Variants in FGF12 observed in about 807,000 individuals in gnomAD.
FGF12 encodes fibroblast growth factor 12.
A neutral mutation model predicts 23.6 loss-of-function variants in FGF12; 14 were observed. The ratio of observed to expected loss-of-function variants is 0.59; its 90% CI spans 0.39 to 0.93. The LOEUF (loss-of-function observed/expected upper bound fraction) is 0.93, where lower values mean the gene tolerates loss of function less well. Among genes scored for constraint, FGF12 ranks in the 40% least tolerant of loss-of-function variants. The pLI is 0.00. For missense variants in FGF12, 175 were observed against 217.8 expected, an observed-to-expected ratio of 0.80 and a Z score of 1.24; for synonymous variants, 62 against 77.3, an observed-to-expected ratio of 0.80 and a Z score of 1.04.
intron 4 of FGF12, among the ~76,000 whole-genome samples, chr3:192,328,101 G>C (rs1716910093): frequency 6.6e-6 from 1 of 152,286 alleles, no homozygotes; most frequent in Non-Finnish European, 1.5e-5. Flanking sequence ...AGTCAGATGA[G>C]TGAGGGCGTG....
At chr3:192,567,735 C>CTCTT (rs58243923) in intron 2 of FGF12, among the ~76,000 whole-genome samples, 17,532 of 125,788 alleles carry the variant, frequency 0.14, 1,599 homozygotes, top group East Asian at 0.16. Context: ...CTCCATGTGT[C>CTCTT]TCTTTCTTTC....
At chr3:192,530,487 C>T (rs1336132184) in intron 2 of FGF12, among the ~76,000 whole-genome samples, 2 of 152,096 alleles carry the variant, frequency 1.3e-5, no homozygotes, top group Admixed American at 1.3e-4. Context: ...TCCTTTCATC[C>T]TTGAAGATTT....
chr3:192,147,186 G>A (rs1438567723), intron 5 of FGF12, among the ~76,000 whole-genome samples: 1 of 152,136 alleles, frequency 6.6e-6, no homozygotes, highest in Non-Finnish European at 1.5e-5. Context: ...CAAAACCTTG[G>A]TCAAAGCAAT....
intron 4 of FGF12, among the ~76,000 whole-genome samples, chr3:192,192,686 T>G (rs1716856305): frequency 6.6e-6 from 1 of 151,874 alleles, no homozygotes; most frequent in African/African-American, 2.4e-5. Context: ...GAACATTTGA[T>G]TTTTACAAAG....
At chr3:192,488,982 C>G (rs867050756) in intron 2 of FGF12, among the ~76,000 whole-genome samples, 65 of 151,910 alleles carry the variant, frequency 4.3e-4, no homozygotes, top group African/African-American at 1.6e-3. Flanking sequence ...GATCTGTTAG[C>G]CTTATGATAG....
At chr3:192,673,442 A>T (rs1717206355) in intron 2 of FGF12, among the ~76,000 whole-genome samples, 1 of 151,212 alleles carries the variant, frequency 6.6e-6, no homozygotes, top group African/African-American at 2.4e-5. Flanking sequence ...TTGGTTACAT[A>T]GGTAAACGTA....
At chr3:192,508,292 G>A (rs1190529895) in intron 2 of FGF12, among the ~76,000 whole-genome samples, 2 of 152,152 alleles carry the variant, frequency 1.3e-5, no homozygotes, top group African/African-American at 2.4e-5. Flanking sequence ...CCTATGAAAT[G>A]CAAATGCCCC....
intron 2 of FGF12, among the ~76,000 whole-genome samples, chr3:192,574,474 C>A (rs912021849): frequency 1.6e-4 from 24 of 152,136 alleles, no homozygotes; most frequent in Non-Finnish European, 2.4e-4. Context: ...AGAAAATAAA[C>A]CTCTGAATCT....
At chr3:192,447,377 G>A (rs1024825998) in intron 2 of FGF12, among the ~76,000 whole-genome samples, 3 of 151,954 alleles carry the variant, frequency 2.0e-5, no homozygotes, top group South Asian at 2.1e-4. Flanking sequence ...AGATGAAGAC[G>A]CTCTCCAAAT....
chr3:192,400,065 A>G (rs1720693420), intron 2 of FGF12, among the ~76,000 whole-genome samples: 1 of 152,186 alleles, frequency 6.6e-6, no homozygotes, highest in East Asian at 1.9e-4. Flanking sequence ...ATTTCCATCC[A>G]TGGTTGGTGA....
intron 4 of FGF12, among the ~76,000 whole-genome samples, chr3:192,204,307 AT>A (rs1717530128): frequency 6.6e-6 from 1 of 152,214 alleles, no homozygotes. Flanking sequence ...AATGATGGAA[AT>A]GGTATACCTC....
intron 2 of FGF12, among the ~76,000 whole-genome samples, chr3:192,647,944 C>T (rs1179798889): frequency 6.6e-6 from 1 of 151,638 alleles, no homozygotes; most frequent in Non-Finnish European, 1.5e-5. Flanking sequence ...TTGATAGGTC[C>T]CCACTTACAT....
intron 2 of FGF12, among the ~76,000 whole-genome samples, chr3:192,618,945 A>G (rs1480664300): frequency 6.6e-6 from 1 of 151,980 alleles, no homozygotes; most frequent in African/African-American, 2.4e-5. Context: ...AGCCAATTAA[A>G]AAATCATATA....
At chr3:192,298,927 G>A (rs541959025) in intron 4 of FGF12, among the ~76,000 whole-genome samples, 7 of 152,210 alleles carry the variant, frequency 4.6e-5, no homozygotes, top group East Asian at 1.9e-4. Flanking sequence ...AACATGTCAG[G>A]TTCTTTTTAA....
intron 4 of FGF12, among the ~76,000 whole-genome samples, chr3:192,330,148 A>AC (rs1717031649): frequency 1.3e-5 from 2 of 152,150 alleles, no homozygotes; most frequent in African/African-American, 4.8e-5. Flanking sequence ...TGTCCATACT[A>AC]CCGGAGACAA....
chr3:192,631,343 G>A (rs772960486), intron 2 of FGF12, among the ~76,000 whole-genome samples: 3 of 152,158 alleles, frequency 2.0e-5, no homozygotes, highest in Admixed American at 6.5e-5. Context: ...CATCCATCAC[G>A]ACATCTAGCC....
intron 2 of FGF12, among the ~76,000 whole-genome samples, chr3:192,623,686 T>C (rs1402020583): frequency 2.6e-5 from 4 of 152,168 alleles, no homozygotes; most frequent in Admixed American, 1.3e-4. Flanking sequence ...GTAAAGAACA[T>C]AAACGAGTCA....
chr3:192,168,241 AT>A (rs1285840744), intron 5 of FGF12, among the ~76,000 whole-genome samples: 1 of 152,222 alleles, frequency 6.6e-6, no homozygotes, highest in Non-Finnish European at 1.5e-5. Context: ...AAATGAACAA[AT>A]AAAAATGATG....
At chr3:192,687,796 A>T (rs1021289262) in intron 2 of FGF12, among the ~76,000 whole-genome samples, 11 of 152,066 alleles carry the variant, frequency 7.2e-5, no homozygotes, top group African/African-American at 2.7e-4. Flanking sequence ...GCCTACACAC[A>T]TGTAGTCAGC....
Sources: allele counts gnomAD v4.1 joint callset (sites outside exome capture counted in the v4.1 genomes callset), GRCh38; gene constraint gnomAD v4.1.1; transcripts MANE v1.5; gene names NCBI Gene and HGNC (gene_info 2026-07-23, HGNC 2026-07-21).